Variants in TANGO6 observed in about 807,000 individuals in gnomAD.
TANGO6 encodes the protein transport and golgi organization 6 homolog.
In TANGO6, 90 loss-of-function variants were observed where a neutral mutation model predicts 114.2. The ratio of observed to expected loss-of-function variants is 0.79; its 90% CI spans 0.66 to 0.94. The LOEUF (loss-of-function observed/expected upper bound fraction) is 0.94, where lower values mean the gene tolerates loss of function less well. TANGO6 is among the 40% of genes least tolerant of loss of function. The pLI is 0.00. For missense variants in TANGO6, 1,274 were observed against 1,315.3 expected (o/e 0.97, Z 0.49); for synonymous variants, 477 against 509.8 (o/e 0.94, Z 0.87).
At chr16:69,023,089 C>A in intron 16 of TANGO6, 110 bp downstream of exon 16, 1 of 1,180,510 alleles carries the variant, frequency 8.5e-7, no homozygotes, top group Non-Finnish European at 1.2e-6. Context: ...CTGCCACTGC[C>A]TCCCTGTGAG....
intron 17 of TANGO6, among the ~76,000 whole-genome samples, chr16:69,056,401 A>C (rs781744434): frequency 1.2e-4 from 19 of 152,184 alleles, no homozygotes; most frequent in Non-Finnish European, 2.6e-4. Flanking sequence ...AGGATTTAGA[A>C]TATTTAATTT....
At chr16:68,980,409 C>CTCTCTCTCTATA (rs1408626276) in intron 15 of TANGO6, among the ~76,000 whole-genome samples, 30 of 67,988 alleles carry the variant, frequency 4.4e-4, no homozygotes, top group African/African-American at 7.9e-4. Context: ...CTCTCTCTCT[C>CTCTCTCTCTATA]TATATATATA....
chr16:68,946,335 G>A (rs909578799), intron 14 of TANGO6, among the ~76,000 whole-genome samples: 1 of 151,912 alleles, frequency 6.6e-6, no homozygotes, highest in Non-Finnish European at 1.5e-5. Context: ...GGGACTACAG[G>A]CTCCCACCAC....
In TANGO6 at chr16:68,909,383, T is replaced by TA. The variant is rs1962894383; in HGVS notation, c.1974dup (p.Phe659IlefsTer56). The TA allele has an allele frequency of 1.3e-6, 2 of 1,548,628 alleles. No homozygotes were observed. The highest frequency in any genetic ancestry group is 1.9e-5 in the Admixed American group (1 of 51,516). The stretch of plus-strand genomic sequence containing the variant: ...CTGTGCGAGAGAATGTCTGAGCAGA[T>TA]ATTCACAAACGTCACTCAGGTCAGT... On this transcript the variant is annotated frameshift_variant, in exon 11 of 18. Coordinates refer to ENST00000261778, the MANE Select transcript of TANGO6 (RefSeq NM_024562.2). LOFTEE classifies it high-confidence loss of function.
intron 1 of TANGO6, among the ~76,000 whole-genome samples, chr16:68,852,707 A>G (rs1288507593): frequency 6.6e-6 from 1 of 151,992 alleles, no homozygotes; most frequent in Admixed American, 6.6e-5. Context: ...GTGGTATGCA[A>G]CTGTGGTCCC....
intron 14 of TANGO6, among the ~76,000 whole-genome samples, chr16:68,957,868 A>C (rs987253324): frequency 4.6e-5 from 7 of 152,288 alleles, no homozygotes; most frequent in African/African-American, 1.7e-4. Context: ...TAAAAAGTAG[A>C]ATAACTAAAA....
At chr16:68,987,138 A>G (rs1305509450) in intron 15 of TANGO6, among the ~76,000 whole-genome samples, 3 of 123,854 alleles carry the variant, frequency 2.4e-5, no homozygotes, top group Non-Finnish European at 5.0e-5. Flanking sequence ...TTTTCTGTGG[A>G]TGGGTATCCA....
chr16:69,046,231 A>G (rs968073325), intron 17 of TANGO6, among the ~76,000 whole-genome samples: 4 of 152,292 alleles, frequency 2.6e-5, no homozygotes, highest in African/African-American at 7.2e-5. Flanking sequence ...TATATGAAAA[A>G]CCAGGAAAAT....
At chr16:68,877,146 A>G (rs1344627823) in intron 5 of TANGO6, among the ~76,000 whole-genome samples, 3 of 152,130 alleles carry the variant, frequency 2.0e-5, no homozygotes, top group African/African-American at 7.2e-5. Flanking sequence ...ATGTGTTACA[A>G]ACTTTTTTGA....
intron 17 of TANGO6, among the ~76,000 whole-genome samples, chr16:69,044,020 G>A (rs116758211): frequency 0.014 from 2,096 of 152,292 alleles, 54 homozygotes; most frequent in South Asian, 0.092. Context: ...AATGTAGCCA[G>A]AGTTTTGTGC....
At chr16:68,883,999 TC>T (rs1242001482) in intron 7 of TANGO6, among the ~76,000 whole-genome samples, 1 of 152,022 alleles carries the variant, frequency 6.6e-6, no homozygotes, top group Non-Finnish European at 1.5e-5. Context: ...AACTTACACC[TC>T]CCAGGTTCAA....
intron 15 of TANGO6, among the ~76,000 whole-genome samples, chr16:69,008,910 G>A (rs915833709): frequency 2.6e-5 from 4 of 151,398 alleles, no homozygotes; most frequent in African/African-American, 9.7e-5. Context: ...CCCAAATGCC[G>A]GGATTACAGG....
At chr16:69,020,247 A>G (rs1172997284) in intron 15 of TANGO6, among the ~76,000 whole-genome samples, 1 of 152,300 alleles carries the variant, frequency 6.6e-6, no homozygotes, top group South Asian at 2.1e-4. Flanking sequence ...CTGCCCTACA[A>G]TCTGATAGGA....
intron 17 of TANGO6, among the ~76,000 whole-genome samples, chr16:69,065,738 A>G (rs1960205656): frequency 6.6e-6 from 1 of 152,210 alleles, no homozygotes; most frequent in South Asian, 2.1e-4. Context: ...AGACATTAGT[A>G]ATCCTGCCTT....
rs1392599579 is a variant in TANGO6 at position 68,860,074 on chromosome 16, C to G, written c.285C>G (p.Thr95=). Residue 95 remains threonine, a synonymous_variant, in exon 2 of 18, where the codon ACC becomes ACG. Coordinates refer to ENST00000261778, the MANE Select transcript of TANGO6 (RefSeq NM_024562.2). Reference sequence around the variant, plus strand: ...CTGTGGATGTCACTTGGAGTTTTACCTCTCAAACCTTGTTGTTGCTTTTGT... The same window carrying G: ...CTGTGGATGTCACTTGGAGTTTTACGTCTCAAACCTTGTTGTTGCTTTTGT... The part of the protein sequence containing the change: ...QNSVDVTWSF[T]SQTLLLLLCL... 1.9e-6 allele frequency: 3 copies of G among 1,613,976 alleles called. No individual in the cohort carries two copies. The highest frequency in any genetic ancestry group is 2.5e-6 in the Non-Finnish European group (3 of 1,179,892).
chr16:68,982,007 G>T (rs527831810), intron 15 of TANGO6, among the ~76,000 whole-genome samples: 1 of 152,144 alleles, frequency 6.6e-6, no homozygotes, highest in Non-Finnish European at 1.5e-5. Flanking sequence ...TTGGTTGTTA[G>T]AACTGGCTGG....
intron 14 of TANGO6, among the ~76,000 whole-genome samples, chr16:68,962,555 C>T (rs1421254695): frequency 6.6e-6 from 1 of 152,050 alleles, no homozygotes. Flanking sequence ...CACCTGAGGT[C>T]GGGAATTCAA....
chr16:68,879,776 C>A (rs1215154849), intron 6 of TANGO6, among the ~76,000 whole-genome samples: 1 of 151,172 alleles, frequency 6.6e-6, no homozygotes, highest in African/African-American at 2.4e-5. Context: ...GTCACCACGC[C>A]CAGCTAATTT....
At chr16:68,901,230 C>T (rs759264443) in intron 8 of TANGO6, among the ~76,000 whole-genome samples, 6 of 152,100 alleles carry the variant, frequency 3.9e-5, no homozygotes, top group Non-Finnish European at 8.8e-5. Flanking sequence ...ACTAAATATG[C>T]ATTAATGTGT....
Sources: gnomAD v4.1 joint callset for allele counts (sites outside exome capture counted in the v4.1 genomes callset) on GRCh38, gnomAD v4.1.1 for gene constraint, MANE v1.5 for transcripts, NCBI Gene and HGNC (gene_info 2026-07-23, HGNC 2026-07-21) for gene names.